KHDRBS2: variants seen among roughly 807,000 people sequenced by gnomAD.
KHDRBS2 encodes the protein KH domain-containing, RNA-binding, signal transduction-associated protein 2.
KHDRBS2 carries 26 observed loss-of-function variants against 44.3 expected under a neutral mutation model. The ratio of observed to expected loss-of-function variants is 0.59; its 90% CI spans 0.43 to 0.81. The LOEUF is 0.81. KHDRBS2 is among the 40% of genes least tolerant of loss of function. The pLI, the probability that KHDRBS2 is intolerant of heterozygous loss-of-function variation, is 0.00. For synonymous variants in KHDRBS2, 194 were observed against 151.1 expected, an observed-to-expected ratio of 1.28 and a Z score of -2.08; for missense variants, 476 against 433.1, an observed-to-expected ratio of 1.10 and a Z score of -0.88.
intron 4 of KHDRBS2, among the ~76,000 whole-genome samples, chr6:61,945,113 G>GTATATATATATATATATA (rs61105265): frequency 6.7e-5 from 1 of 14,990 alleles, no homozygotes; most frequent in Non-Finnish European, 1.1e-4. Context: ...AAAAAAAAAA[G>GTATATATATATATATATA]TATATATATA....
chr6:62,268,597 T>C (rs1275480632), intron 1 of KHDRBS2, among the ~76,000 whole-genome samples: 2 of 152,082 alleles, frequency 1.3e-5, no homozygotes, highest in African/African-American at 2.4e-5. Context: ...ATATATTGTT[T>C]TCTTGAAAAA....
chr6:62,138,881 T>C (rs183612362), intron 2 of KHDRBS2, among the ~76,000 whole-genome samples: 2 of 152,346 alleles, frequency 1.3e-5, no homozygotes, highest in East Asian at 3.9e-4. Context: ...TCACAGTGCC[T>C]GCATGTTTTT....
chr6:62,248,601 T>A (rs953022531), intron 1 of KHDRBS2, among the ~76,000 whole-genome samples: 6 of 152,116 alleles, frequency 3.9e-5, no homozygotes, highest in African/African-American at 1.4e-4. Flanking sequence ...TCAAGTAATC[T>A]CTTGCCTCAG....
chr6:62,066,938 T>TA (rs1793869339), intron 2 of KHDRBS2, among the ~76,000 whole-genome samples: 1 of 151,602 alleles, frequency 6.6e-6, no homozygotes, highest in Non-Finnish European at 1.5e-5. Context: ...CTAACCATTA[T>TA]AAAAAAGATA....
chr6:61,957,759 A>C (rs1767733410), intron 4 of KHDRBS2, among the ~76,000 whole-genome samples: 1 of 152,016 alleles, frequency 6.6e-6, no homozygotes, highest in Non-Finnish European at 1.5e-5. Context: ...TTACCTTGTG[A>C]TATCTTATTA....
rs139818455 is a variant in KHDRBS2, at chr6:61,909,288, C to T, written c.484-7917G>A. Among the ~76,000 whole-genome samples the T allele has an allele frequency of 9.2e-3, 1,400 of 152,014 alleles. 12 individuals are homozygous for T. The highest frequency in any genetic ancestry group is 0.016 in the Non-Finnish European group (1,082 of 67,968). ...TTTGCCATGTTGCCCAGGCTGGTGTCGCACTCCTGAGCTCAAGTGATCCGC... is the reference window on the plus strand; with the variant it reads ...TTTGCCATGTTGCCCAGGCTGGTGTTGCACTCCTGAGCTCAAGTGATCCGC... On this transcript the variant is annotated intron_variant, in intron 4 of 8. Transcript: ENST00000281156.
intron 2 of KHDRBS2, among the ~76,000 whole-genome samples, chr6:62,101,315 C>A (rs534382344): frequency 6.6e-6 from 1 of 152,134 alleles, no homozygotes; most frequent in South Asian, 2.1e-4. Context: ...ATGCTGCAAA[C>A]TCAAAGGAGT....
intron 5 of KHDRBS2, among the ~76,000 whole-genome samples, chr6:61,897,059 C>T (rs1803055678): frequency 6.6e-6 from 1 of 152,116 alleles, no homozygotes; most frequent in Non-Finnish European, 1.5e-5. Flanking sequence ...CCCTGCAATC[C>T]CTACCTCTGA....
chr6:62,059,600 G>A (rs532262984), intron 2 of KHDRBS2, among the ~76,000 whole-genome samples: 6 of 151,640 alleles, frequency 4.0e-5, no homozygotes, highest in Middle Eastern at 3.4e-3. Flanking sequence ...ATAAAATTAC[G>A]GAATACAGGA....
At chr6:61,906,889 T>C (rs1805131511) in intron 4 of KHDRBS2, among the ~76,000 whole-genome samples, 1 of 145,954 alleles carries the variant, frequency 6.9e-6, no homozygotes, top group African/African-American at 2.5e-5. Flanking sequence ...GATATACTAG[T>C]TTGCTTTTTT....
At chr6:62,236,801 T>G (rs901393922) in intron 1 of KHDRBS2, among the ~76,000 whole-genome samples, 1 of 152,196 alleles carries the variant, frequency 6.6e-6, no homozygotes, top group African/African-American at 2.4e-5. Context: ...GGCATGATGC[T>G]AAACATGTGC....
intron 1 of KHDRBS2, among the ~76,000 whole-genome samples, chr6:62,217,067 C>T (rs1400030005): frequency 6.8e-6 from 1 of 147,432 alleles, no homozygotes; most frequent in Non-Finnish European, 1.5e-5. Context: ...CAAACCCTGA[C>T]ACTATGTTAT....
chr6:61,556,773 T>C, the KHDRBS2 span, among the ~76,000 whole-genome samples: 3 of 151,802 alleles, frequency 2.0e-5, no homozygotes, highest in Admixed American at 2.0e-4. Flanking sequence ...CTCCATTTTC[T>C]CATACAGAAT....
chr6:62,091,887 C>T (rs1246033994), intron 2 of KHDRBS2, among the ~76,000 whole-genome samples: 2 of 152,086 alleles, frequency 1.3e-5, no homozygotes, highest in Non-Finnish European at 2.9e-5. Context: ...ACTGACAATT[C>T]TCATTACGTA....
At chr6:61,660,615 C>A in the KHDRBS2 span, among the ~76,000 whole-genome samples, 3 of 151,740 alleles carry the variant, frequency 2.0e-5, no homozygotes, top group African/African-American at 7.2e-5. Context: ...ACGTTTATTT[C>A]TCCTTTTGTT....
intron 2 of KHDRBS2, among the ~76,000 whole-genome samples, chr6:62,074,663 G>C (rs555238712): frequency 6.6e-6 from 1 of 151,906 alleles, no homozygotes; most frequent in South Asian, 2.1e-4. Flanking sequence ...AAATATATAT[G>C]TTATCATGGC....
intron 1 of KHDRBS2, among the ~76,000 whole-genome samples, chr6:62,266,656 G>C (rs1165215259): frequency 6.6e-6 from 1 of 151,920 alleles, no homozygotes; most frequent in Non-Finnish European, 1.5e-5. Flanking sequence ...GGGGGAATTT[G>C]TAAGACACTG....
chr6:61,722,263 G>A (rs1412241279), intron 7 of KHDRBS2, among the ~76,000 whole-genome samples: 5 of 152,168 alleles, frequency 3.3e-5, no homozygotes, highest in East Asian at 1.9e-4. Context: ...GTCTCTGCCC[G>A]GCTTTGGTAT....
intron 1 of KHDRBS2, among the ~76,000 whole-genome samples, chr6:62,263,411 A>T (rs1449760238): frequency 3.3e-5 from 5 of 151,580 alleles, no homozygotes; most frequent in Non-Finnish European, 5.9e-5. Context: ...AAATATTTTT[A>T]AAAATAAGAG....
Sources: allele counts gnomAD v4.1 joint callset (sites outside exome capture counted in the v4.1 genomes callset), GRCh38; gene constraint gnomAD v4.1.1; transcripts MANE v1.5; gene names NCBI Gene and HGNC (gene_info 2026-07-23, HGNC 2026-07-21).